TUSC3: variants seen among roughly 807,000 people sequenced by gnomAD.
TUSC3 encodes the protein tumor suppressor candidate 3, also known as dolichyl-diphosphooligosaccharide--protein glycosyltransferase subunit TUSC3.
In TUSC3, 45 loss-of-function variants were observed where a neutral mutation model predicts 44.8. That is an observed-to-expected ratio of 1.00 (90% confidence interval 0.79 to 1.29). The LOEUF (loss-of-function observed/expected upper bound fraction) is 1.29. Ranked by LOEUF, TUSC3 falls within the 50% of genes most tolerant of loss-of-function variation. The pLI, the probability that TUSC3 is intolerant of heterozygous loss-of-function variation, is 0.00. For synonymous variants in TUSC3, 212 were observed against 152.9 expected (o/e 1.39, Z -2.85); for missense variants, 519 against 437.9 (o/e 1.19, Z -1.65).
chr8:15,733,627 A>G (rs1810814161), intron 7 of TUSC3: 1 of 162,846 alleles, frequency 6.1e-6, no homozygotes, highest in Admixed American at 6.5e-5. Context: ...AAAAGAATTA[A>G]AAGTCTGTAT....
chr8:15,743,327 C>T (rs1208984406), intron 7 of TUSC3: 3 of 565,470 alleles, frequency 5.3e-6, no homozygotes, highest in Admixed American at 3.0e-5. Flanking sequence ...CTCAATATAT[C>T]ACAAATTGAA....
At chr8:15,778,388 A>G in the TUSC3 span, among the ~76,000 whole-genome samples, 1 of 152,184 alleles carries the variant, frequency 6.6e-6, no homozygotes, top group African/African-American at 2.4e-5. Context: ...CTGGGCTCTT[A>G]ATATTAGTTG....
the TUSC3 span, among the ~76,000 whole-genome samples, chr8:15,811,573 G>T: frequency 6.6e-6 from 1 of 152,142 alleles, no homozygotes; most frequent in Admixed American, 6.6e-5. Context: ...CCAGAACTGG[G>T]GGTTTGCAGA....
chr8:15,826,519 C>A, the TUSC3 span, among the ~76,000 whole-genome samples: 3 of 152,252 alleles, frequency 2.0e-5, no homozygotes, highest in Non-Finnish European at 4.4e-5. Flanking sequence ...TATAGGGGAG[C>A]TGTGTTTTGC....
chr8:15,529,094 C>A (rs1184006120), intron 2 of TUSC3, among the ~76,000 whole-genome samples: 1 of 152,142 alleles, frequency 6.6e-6, no homozygotes, highest in Non-Finnish European at 1.5e-5. Flanking sequence ...CTTGAGATAA[C>A]CAAATGTTCA....
chr8:15,422,747 G>T (rs114935003), intron 1 of TUSC3, among the ~76,000 whole-genome samples: 1 of 151,892 alleles, frequency 6.6e-6, no homozygotes, highest in African/African-American at 2.4e-5. Flanking sequence ...AATTCCCCCA[G>T]GCGCCCCACC....
chr8:15,763,044 CAA>C (rs367720473), intron 10 of TUSC3, among the ~76,000 whole-genome samples: 143 of 152,078 alleles, frequency 9.4e-4, no homozygotes, highest in African/African-American at 3.0e-3. Flanking sequence ...AAACAGCTAA[CAA>C]GAGTAATTTT....
chr8:15,805,783 T>C, the TUSC3 span, among the ~76,000 whole-genome samples: 1 of 152,128 alleles, frequency 6.6e-6, no homozygotes, highest in Non-Finnish European at 1.5e-5. Context: ...CCTTTTTTGT[T>C]GTGTCCTGTG....
intron 2 of TUSC3, among the ~76,000 whole-genome samples, chr8:15,509,907 C>A (rs1471828947): frequency 6.6e-6 from 1 of 151,958 alleles, no homozygotes; most frequent in African/African-American, 2.4e-5. Flanking sequence ...TAATGCTTAC[C>A]AGGAGAATCC....
At chr8:15,562,005 T>G (rs62504194) in intron 1 of TUSC3, among the ~76,000 whole-genome samples, 23,816 of 152,208 alleles carry the variant, frequency 0.16, 2,210 homozygotes, top group Non-Finnish European at 0.21. Context: ...GAGCTGTTCC[T>G]ATTCGGCCAT....
At chr8:15,438,491 C>G (rs143550548) in intron 1 of TUSC3, among the ~76,000 whole-genome samples, 2 of 152,178 alleles carry the variant, frequency 1.3e-5, no homozygotes, top group South Asian at 4.1e-4. Flanking sequence ...GTTATTGTTT[C>G]TGCTGAGAAT....
intron 1 of TUSC3, among the ~76,000 whole-genome samples, chr8:15,582,717 G>A (rs1478408417): frequency 1.3e-5 from 2 of 152,142 alleles, no homozygotes; most frequent in African/African-American, 4.8e-5. Context: ...GAAACTGCCT[G>A]GTGTAACCTG....
chr8:15,471,109 C>T (rs1248374779), intron 1 of TUSC3, among the ~76,000 whole-genome samples: 3 of 124,132 alleles, frequency 2.4e-5, no homozygotes, highest in African/African-American at 9.9e-5. Flanking sequence ...ACTGTGTGGT[C>T]AGAGGAGGTG....
intron 5 of TUSC3, 69 bp from the exon 6 acceptor site, chr8:15,673,678 G>A: frequency 7.9e-7 from 1 of 1,265,496 alleles, no homozygotes; most frequent in Non-Finnish European, 1.2e-6. Flanking sequence ...GATGACCATT[G>A]TCTTTTAGAA....
At chr8:15,646,741 G>C (rs1806650611) in intron 2 of TUSC3, among the ~76,000 whole-genome samples, 1 of 152,078 alleles carries the variant, frequency 6.6e-6, no homozygotes. Flanking sequence ...CTAGGCCAGA[G>C]ATGATCCTAC....
intron 10 of TUSC3, among the ~76,000 whole-genome samples, chr8:15,760,499 A>C (rs768193179): frequency 1.3e-5 from 2 of 152,152 alleles, no homozygotes; most frequent in Non-Finnish European, 2.9e-5. Flanking sequence ...CCTGTGGTTT[A>C]ATACAAGACT....
At chr8:15,555,836 G>T (rs1286777172) in intron 1 of TUSC3, among the ~76,000 whole-genome samples, 1 of 151,360 alleles carries the variant, frequency 6.6e-6, no homozygotes, top group African/African-American at 2.4e-5. Context: ...ATTTCTTACG[G>T]ACTCTTTCAG....
At position 15,680,792 on chromosome 8, in the gene TUSC3, A is replaced by G. The variant is rs138063109; in HGVS notation, c.798+6956A>G. On this transcript the variant is annotated intron_variant, in intron 6 of 10. Transcript: ENST00000503731. ...GATGTGTTTGAGGATTTTTATCATG[A>G]ACAGATGCTGGACATTATTGAAAGC... Among the ~76,000 whole-genome samples, 800 of 152,240 alleles carry G rather than the reference A, an allele frequency of 5.3e-3. 8 individuals are homozygous for G. Among genetic ancestry groups the G allele is most frequent in the African/African-American group, 0.018 (762 of 41,550 alleles).
intron 5 of TUSC3, among the ~76,000 whole-genome samples, chr8:15,664,624 TCAAA>T (rs1162683587): frequency 1.5e-4 from 22 of 149,488 alleles, no homozygotes; most frequent in Non-Finnish European, 1.2e-4. Flanking sequence ...AGACATGTTT[TCAAA>T]CAGTGAGTTT....
Sources: allele counts gnomAD v4.1 joint callset (sites outside exome capture counted in the v4.1 genomes callset), GRCh38; gene constraint gnomAD v4.1.1; transcripts MANE v1.5; gene names NCBI Gene and HGNC (gene_info 2026-07-23, HGNC 2026-07-21).